The following TNKS variants were observed in gnomAD, a reference collection of about 807,000 sequenced individuals.
The protein encoded by TNKS is tankyrase.
In TNKS, 72 loss-of-function variants were observed where a neutral mutation model predicts 135.8. The observed-to-expected ratio is 0.53, with a 90% CI of 0.44 to 0.64. TNKS has a LOEUF of 0.64. Ranked by LOEUF, TNKS falls within the 30% of genes least tolerant of loss-of-function variation. The pLI, the probability that TNKS is intolerant of heterozygous loss-of-function variation, is 0.00. For missense variants in TNKS, 1,769 were observed against 1,674.0 expected, an observed-to-expected ratio of 1.06 and a Z score of -0.99; for synonymous variants, 849 against 649.3, an observed-to-expected ratio of 1.31 and a Z score of -4.68.
At position 9,781,203 on chromosome 8, in the gene TNKS, T is replaced by C. The variant is rs1435464611; in HGVS notation, c.*4467T>C. 1 of 152,216 alleles carries C rather than the reference T, an allele frequency of 6.6e-6. No individual in the cohort carries two copies. Among genetic ancestry groups the C allele is most frequent in the African/African-American group, 2.4e-5 (1 of 41,436 alleles). 9.4% of individuals were successfully genotyped at this position (152,216 alleles called of 1,614,324 possible). A position where few individuals can be genotyped will look rare whatever the true frequency, so the allele number is the denominator to read the frequency against. On this transcript the variant is annotated 3_prime_UTR_variant, in exon 27 of 27. Coordinates refer to ENST00000310430, the MANE Select transcript of TNKS (RefSeq NM_003747.3). ...CCTCCTTTCACATTCTTTTTTGCTT[T>C]ACACTTCACGTCTTCGCACCTGCCC...
chr8:9,597,333 C>A (rs1057344910), intron 2 of TNKS, among the ~76,000 whole-genome samples: 1 of 152,206 alleles, frequency 6.6e-6, no homozygotes, highest in Non-Finnish European at 1.5e-5. Flanking sequence ...AGTAAGGTTG[C>A]CACACAAGAC....
intron 5 of TNKS, among the ~76,000 whole-genome samples, chr8:9,694,976 C>G (rs1350695217): frequency 6.6e-6 from 1 of 152,124 alleles, no homozygotes; most frequent in Non-Finnish European, 1.5e-5. Context: ...ACTTGAAAAA[C>G]TTCCCCAGCA....
At chr8:9,726,530 C>A in intron 12 of TNKS, 111 bp from the exon 13 acceptor site, 1 of 692,418 alleles carries the variant, frequency 1.4e-6, no homozygotes, top group Non-Finnish European at 2.3e-6. Flanking sequence ...ATAATTTTTC[C>A]TCCTGAACTA....
chr8:9,767,538 T>A (rs1220422583), intron 25 of TNKS, among the ~76,000 whole-genome samples: 1 of 152,208 alleles, frequency 6.6e-6, no homozygotes, highest in African/African-American at 2.4e-5. Flanking sequence ...GAAATTGTGA[T>A]TATTGACCTT....
intron 3 of TNKS, among the ~76,000 whole-genome samples, chr8:9,623,118 C>T (rs1389607780): frequency 6.6e-6 from 1 of 152,124 alleles, no homozygotes; most frequent in Non-Finnish European, 1.5e-5. Context: ...CTGTGGTTGA[C>T]CGGGGGTAAC....
At chr8:9,559,072 T>G (rs970027016) in intron 1 of TNKS, among the ~76,000 whole-genome samples, 3 of 152,160 alleles carry the variant, frequency 2.0e-5, no homozygotes, top group African/African-American at 7.2e-5. Context: ...TATTTTAGTG[T>G]GCTTAGATGA....
intron 5 of TNKS, among the ~76,000 whole-genome samples, chr8:9,702,683 T>A (rs894256245): frequency 6.6e-6 from 1 of 152,310 alleles, no homozygotes; most frequent in South Asian, 2.1e-4. Context: ...CTGGACATGT[T>A]TGATGATAAA....
intron 3 of TNKS, among the ~76,000 whole-genome samples, chr8:9,618,893 A>G (rs1799753090): frequency 6.6e-6 from 1 of 152,258 alleles, no homozygotes; most frequent in East Asian, 1.9e-4. Context: ...TAAACTGCTT[A>G]ATAGTACATA....
In TNKS at chr8:9,776,823, A is replaced by G. The variant is rs1808247467; in HGVS notation, c.*87A>G. The G allele has an allele frequency of 3.8e-6, 5 of 1,311,370 alleles. No homozygotes were observed. The highest frequency in any genetic ancestry group is 1.8e-5 in the Admixed American group (1 of 54,864). 81.2% of individuals were successfully genotyped at this position (1,311,370 alleles called of 1,614,324 possible). On this transcript the variant is annotated 3_prime_UTR_variant, in exon 27 of 27. Coordinates refer to ENST00000310430, the MANE Select transcript of TNKS (RefSeq NM_003747.3). ...TTTCTAATAACAACATCAATATTCT[A>G]GAAGTCCCTGACAGCCTAGAAATAA...
chr8:9,772,501 T>TA lies in TNKS; in HGVS notation c.3897+2243dup, dbSNP rs1260667723. ...GTATTCTTCAAAAATGTTAATATTA[T>TA]AAAAGAAAGGCTGTGCTAACTTTCC... On this transcript the variant is annotated intron_variant, in intron 26 of 26. Coordinates refer to ENST00000310430, the MANE Select transcript of TNKS (RefSeq NM_003747.3). 9.0e-6 allele frequency: 4 copies of TA among 445,038 alleles called. No individual in the cohort carries two copies. The East Asian group carries it at 2.8e-4, about 31-fold the overall frequency. 27.6% of individuals were successfully genotyped at this position (445,038 alleles called of 1,614,324 possible).
chr8:9,659,383 G>C (rs912965160), intron 3 of TNKS, among the ~76,000 whole-genome samples: 2 of 152,092 alleles, frequency 1.3e-5, no homozygotes, highest in African/African-American at 4.8e-5. Flanking sequence ...ATAACAAACT[G>C]TCTCTCAGAC....
chr8:9,604,956 T>C (rs1052098926), intron 2 of TNKS, among the ~76,000 whole-genome samples: 2 of 151,986 alleles, frequency 1.3e-5, no homozygotes, highest in Admixed American at 6.6e-5. Context: ...CTGTTTCTAA[T>C]CACAGTCAGA....
chr8:9,714,927 T>G (rs1467352548), intron 11 of TNKS, among the ~76,000 whole-genome samples: 1 of 152,202 alleles, frequency 6.6e-6, no homozygotes, highest in East Asian at 1.9e-4. Flanking sequence ...CTACTGAGAA[T>G]TCACATAGTG....
intron 5 of TNKS, among the ~76,000 whole-genome samples, chr8:9,697,926 T>A (rs1803594794): frequency 6.6e-6 from 1 of 152,186 alleles, no homozygotes; most frequent in Non-Finnish European, 1.5e-5. Context: ...AAATAGATTA[T>A]CATACCAAAA....
At chr8:9,693,126 T>C (rs866530188) in intron 5 of TNKS, among the ~76,000 whole-genome samples, 3 of 152,210 alleles carry the variant, frequency 2.0e-5, no homozygotes, top group African/African-American at 7.2e-5. Context: ...GGGAAACTTA[T>C]TGATCTTAAC....
chr8:9,566,281 AAG>A (rs1797535929), intron 1 of TNKS: 1 of 152,144 alleles, frequency 6.6e-6, no homozygotes, highest in Non-Finnish European at 1.5e-5. Context: ...TATTTGGAAA[AAG>A]AAAACTTTTT....
At chr8:9,741,929 A>C (rs1279865045) in intron 17 of TNKS, among the ~76,000 whole-genome samples, 1 of 152,234 alleles carries the variant, frequency 6.6e-6, no homozygotes, top group East Asian at 1.9e-4. Context: ...TCCAAGTAAG[A>C]AAAAATAATG....
At chr8:9,563,491 C>G (rs1301725953) in intron 1 of TNKS, among the ~76,000 whole-genome samples, 1 of 151,888 alleles carries the variant, frequency 6.6e-6, no homozygotes, top group African/African-American at 2.4e-5. Flanking sequence ...TGATTGTGTT[C>G]CAGTAAAATT....
In TNKS at chr8:9,766,431, C is replaced by A; in HGVS notation, c.3740+6C>A. 1 of 1,544,224 alleles carries A rather than the reference C, an allele frequency of 6.5e-7. No homozygotes were observed. The highest frequency in any genetic ancestry group is 8.8e-7 in the Non-Finnish European group (1 of 1,140,426). The stretch of plus-strand genomic sequence containing the variant: ...TCATGCTATATATGTCACAGGTAAG[C>A]ATCTTGCCATTAGTGTAACGTTTCC... On this transcript the variant is annotated splice_donor_region_variant and intron_variant, in intron 25 of 26. Coordinates refer to ENST00000310430, the MANE Select transcript of TNKS (RefSeq NM_003747.3).
Sources: gnomAD v4.1 joint callset for allele counts (sites outside exome capture counted in the v4.1 genomes callset) on GRCh38, gnomAD v4.1.1 for gene constraint, MANE v1.5 for transcripts, NCBI Gene and HGNC (gene_info 2026-07-23, HGNC 2026-07-21) for gene names.